DRC11: variants seen among roughly 807,000 people sequenced by gnomAD.
The protein encoded by DRC11 is IQ and AAA domain-containing protein 1.
At chr2:236,489,152 G>A in the DRC11 span, among the ~76,000 whole-genome samples, 24 of 145,466 alleles carry the variant, frequency 1.6e-4, no homozygotes, top group African/African-American at 4.6e-4. Flanking sequence ...TATGGGCTCC[G>A]GGTGCATGCT....
At chr2:236,355,721 ATCTCTCTCTCTCTC>A in the DRC11 span, among the ~76,000 whole-genome samples, 1,099 of 147,956 alleles carry the variant, frequency 7.4e-3, 11 homozygotes, top group South Asian at 0.026. Flanking sequence ...CTAATTGTAC[ATCTCTCTCTCTCTC>A]TCTCTCTCTC....
At chr2:236,499,673 A>G in the DRC11 span, among the ~76,000 whole-genome samples, 1 of 152,088 alleles carries the variant, frequency 6.6e-6, no homozygotes, top group Admixed American at 6.5e-5. This position sits in a 1 kb window ranked among gnomAD's most constrained non-coding sequence, Gnocchi z 4.7. Flanking sequence ...CAAGTGATCC[A>G]CCTGTCCTGG....
At chr2:236,461,860 G>A in the DRC11 span, among the ~76,000 whole-genome samples, 7 of 152,170 alleles carry the variant, frequency 4.6e-5, no homozygotes, top group African/African-American at 1.7e-4. The surrounding 1 kb of genome is among the most constrained non-coding windows in gnomAD (Gnocchi z 4.0). Context: ...GGAGCAAAGT[G>A]GAGGGGCTCT....
the DRC11 span, among the ~76,000 whole-genome samples, chr2:236,364,228 T>C: frequency 7.0e-6 from 1 of 142,400 alleles, no homozygotes; most frequent in Non-Finnish European, 1.5e-5. Flanking sequence ...CTTCTCCCCC[T>C]CTCCACATCA....
At chr2:236,325,180 G>C in the DRC11 span, among the ~76,000 whole-genome samples, 1 of 152,152 alleles carries the variant, frequency 6.6e-6, no homozygotes, top group East Asian at 1.9e-4. This position sits in a 1 kb window ranked among gnomAD's most constrained non-coding sequence, Gnocchi z 4.4. Flanking sequence ...TGGGGGAGTT[G>C]CTGTTGAAAC....
chr2:236,413,453 T>G, the DRC11 span, among the ~76,000 whole-genome samples: 2 of 152,186 alleles, frequency 1.3e-5, no homozygotes, highest in Non-Finnish European at 2.9e-5. The surrounding 1 kb of genome is among the most constrained non-coding windows in gnomAD (Gnocchi z 4.0). Context: ...ATAACTTCCT[T>G]TGGAAATGCA....
the DRC11 span, chr2:236,497,094 C>G: frequency 3.4e-6 from 4 of 1,185,670 alleles, no homozygotes; most frequent in Non-Finnish European, 4.7e-6. This position sits in a 1 kb window ranked among gnomAD's most constrained non-coding sequence, Gnocchi z 5.1. Context: ...GTATCGTGTA[C>G]AGATATCGGG....
the DRC11 span, among the ~76,000 whole-genome samples, chr2:236,320,779 G>A: frequency 6.6e-6 from 1 of 152,168 alleles, no homozygotes; most frequent in Non-Finnish European, 1.5e-5. Flanking sequence ...GGCGGCTGAG[G>A]CCCTAGCAGA....
At chr2:236,482,830 T>C in the DRC11 span, among the ~76,000 whole-genome samples, 1 of 152,226 alleles carries the variant, frequency 6.6e-6, no homozygotes, top group African/African-American at 2.4e-5. The surrounding 1 kb of genome is among the most constrained non-coding windows in gnomAD (Gnocchi z 4.5). Context: ...CTAAGAGCCA[T>C]GATTTATACA....
At chr2:236,368,170 C>T in the DRC11 span, 3 of 1,419,622 alleles carry the variant, frequency 2.1e-6, no homozygotes, top group Non-Finnish European at 9.9e-7. Context: ...GGAAAAGGCA[C>T]ATCCGCGCAC....
the DRC11 span, among the ~76,000 whole-genome samples, chr2:236,468,492 A>G: frequency 6.6e-6 from 1 of 152,246 alleles, no homozygotes; most frequent in East Asian, 1.9e-4. Flanking sequence ...GAATCATTTT[A>G]AAGAACAATG....
At chr2:236,350,636 G>A in the DRC11 span, among the ~76,000 whole-genome samples, 1 of 152,218 alleles carries the variant, frequency 6.6e-6, no homozygotes, top group Non-Finnish European at 1.5e-5. The surrounding 1 kb of genome is among the most constrained non-coding windows in gnomAD (Gnocchi z 5.2). Flanking sequence ...GCTGGAGGTG[G>A]GAGCGGGACC....
the DRC11 span, among the ~76,000 whole-genome samples, chr2:236,383,369 A>C: frequency 6.6e-6 from 1 of 152,132 alleles, no homozygotes; most frequent in African/African-American, 2.4e-5. Flanking sequence ...GTCAATTTTT[A>C]AAATCCTTTC....
chr2:236,398,214 G>A, the DRC11 span, among the ~76,000 whole-genome samples: 1 of 152,190 alleles, frequency 6.6e-6, no homozygotes, highest in Non-Finnish European at 1.5e-5. The surrounding 1 kb of genome is among the most constrained non-coding windows in gnomAD (Gnocchi z 6.2). Flanking sequence ...AAAATGGATT[G>A]AGTTGCCAAA....
chr2:236,331,094 G>A, the DRC11 span, among the ~76,000 whole-genome samples: 1 of 152,156 alleles, frequency 6.6e-6, no homozygotes, highest in East Asian at 1.9e-4. This position sits in a 1 kb window ranked among gnomAD's most constrained non-coding sequence, Gnocchi z 4.8. Context: ...ATGTGTCTAT[G>A]TGAATCCAAT....
the DRC11 span, among the ~76,000 whole-genome samples, chr2:236,451,090 T>G: frequency 1.3e-5 from 2 of 152,194 alleles, no homozygotes; most frequent in Admixed American, 1.3e-4. Flanking sequence ...TTTCATAAGG[T>G]TCTTATACTT....
chr2:236,410,743 A>G, the DRC11 span, among the ~76,000 whole-genome samples: 3 of 150,834 alleles, frequency 2.0e-5, no homozygotes, highest in East Asian at 5.8e-4. Context: ...ATAATGCCAC[A>G]TATCTACAAC....
the DRC11 span, among the ~76,000 whole-genome samples, chr2:236,480,024 T>TTC: frequency 3.4e-5 from 5 of 145,970 alleles, no homozygotes; most frequent in East Asian, 7.9e-4. Flanking sequence ...GTTGACAGGT[T>TTC]TTTTTTTTTT....
chr2:236,320,039 G>A, the DRC11 span, among the ~76,000 whole-genome samples: 6 of 152,246 alleles, frequency 3.9e-5, no homozygotes, highest in Admixed American at 2.0e-4. Context: ...CACAGAGAGT[G>A]CTCGGTGAAA....
Sources: gnomAD v4.1 joint callset for allele counts (sites outside exome capture counted in the v4.1 genomes callset) on GRCh38, gnomAD v4.1.1 for gene constraint, Gnocchi (gnomAD v3.1) non-coding constraint, MANE v1.5 for transcripts, NCBI Gene and HGNC (gene_info 2026-07-23, HGNC 2026-07-21) for gene names.